The following NTRK3 variants were observed in gnomAD, a reference collection of about 807,000 sequenced individuals.
NTRK3 encodes neurotrophic receptor tyrosine kinase 3, also known as NT-3 growth factor receptor.
In NTRK3, 24 loss-of-function variants were observed where a neutral mutation model predicts 91.7. The ratio of observed to expected loss-of-function variants is 0.26; its 90% CI spans 0.19 to 0.37. The LOEUF (loss-of-function observed/expected upper bound fraction) is 0.37, where lower values mean the gene tolerates loss of function less well. Among genes scored for constraint, NTRK3 ranks in the 10% least tolerant of loss-of-function variants. The probability of loss-of-function intolerance (pLI) is 1.00; values close to 1 mark genes in which losing one functional copy is unlikely to be tolerated. For missense variants in NTRK3, 880 were observed against 1,068.9 expected (o/e 0.82, Z 2.46); for synonymous variants, 483 against 404.0 (o/e 1.20, Z -2.34).
intron 3 of NTRK3, among the ~76,000 whole-genome samples, chr15:88,247,338 G>C (rs1031874912): frequency 1.3e-5 from 2 of 152,208 alleles, no homozygotes; most frequent in Non-Finnish European, 2.9e-5. Context: ...CTTCGTTCTG[G>C]GCTGCCTTGT....
rs543779947 is a variant in NTRK3, at chr15:88,246,992, C to T, written c.248+8914G>A. Among the ~76,000 whole-genome samples the T allele has an allele frequency of 8.5e-5, 13 of 152,344 alleles. No individual in the cohort carries two copies. The South Asian group carries it at 2.7e-3, about 32-fold the overall frequency. ...AGGACCGTCTCGTGCGCCACACTGC[C>T]CTCTGGTGGCCACCAGGAGTGTAGC... is the stretch of plus-strand genomic sequence containing the variant. On this transcript the variant is annotated intron_variant, in intron 3 of 18. Transcript: ENST00000394480.
At chr15:88,048,205 T>C (rs866043246) in intron 13 of NTRK3, among the ~76,000 whole-genome samples, 13 of 152,306 alleles carry the variant, frequency 8.5e-5, no homozygotes, top group South Asian at 4.1e-4. Flanking sequence ...CTTGATCTAC[T>C]TGGAAAGCTT....
intron 13 of NTRK3, among the ~76,000 whole-genome samples, chr15:88,059,112 T>G (rs975732826): frequency 1.4e-4 from 21 of 151,614 alleles, no homozygotes; most frequent in African/African-American, 4.6e-4. Flanking sequence ...AGAGCTCTCC[T>G]GGAAAAGAGA....
intron 14 of NTRK3, among the ~76,000 whole-genome samples, chr15:88,019,402 A>G (rs543649629): frequency 2.0e-5 from 3 of 152,194 alleles, no homozygotes; most frequent in Non-Finnish European, 4.4e-5. Flanking sequence ...CTGTGATTCT[A>G]TGGAGACATA....
At chr15:88,179,537 T>C (rs1011064130) in intron 5 of NTRK3, among the ~76,000 whole-genome samples, 26 of 152,338 alleles carry the variant, frequency 1.7e-4, no homozygotes, top group African/African-American at 6.3e-4. Context: ...GGAAGTACCA[T>C]TGTTTGAGTG....
intron 17 of NTRK3, among the ~76,000 whole-genome samples, chr15:87,906,765 C>A (rs992793793): frequency 2.6e-5 from 4 of 152,208 alleles, no homozygotes; most frequent in Non-Finnish European, 5.9e-5. Flanking sequence ...ACACTAACTA[C>A]CACCACCAAC....
exon 19 of NTRK3, chr15:87,874,739 G>A (rs1469358749): frequency 1.3e-5 from 3 of 232,298 alleles, no homozygotes; most frequent in Non-Finnish European, 2.6e-5. Context: ...TAGCTACCCA[G>A]ATCAAAGCCA....
chr15:88,015,250 G>T (rs532060673), intron 14 of NTRK3, among the ~76,000 whole-genome samples: 3 of 152,238 alleles, frequency 2.0e-5, no homozygotes, highest in African/African-American at 7.2e-5. Context: ...ATAAACAAAG[G>T]CCTGGACTAT....
chr15:88,196,070 T>C (rs576427276), intron 3 of NTRK3, among the ~76,000 whole-genome samples: 21 of 152,226 alleles, frequency 1.4e-4, no homozygotes, highest in Non-Finnish European at 2.1e-4. Flanking sequence ...TCAAGTGCAT[T>C]GCATAAAGAC....
chr15:88,207,506 G>A (rs564883785), intron 3 of NTRK3, among the ~76,000 whole-genome samples: 1 of 152,250 alleles, frequency 6.6e-6, no homozygotes, highest in Admixed American at 6.5e-5. Flanking sequence ...TGTTGAAGCA[G>A]GTTATGTGCT....
At chr15:87,978,223 G>A (rs958909282) in intron 14 of NTRK3, 57 of 230,674 alleles carry the variant, frequency 2.5e-4, no homozygotes, top group African/African-American at 1.2e-3. Context: ...GGGGAAGCGA[G>A]CCCCCTCTTT....
At chr15:88,208,148 T>C (rs900069584) in intron 3 of NTRK3, among the ~76,000 whole-genome samples, 1 of 151,894 alleles carries the variant, frequency 6.6e-6, no homozygotes, top group Non-Finnish European at 1.5e-5. Flanking sequence ...ACAGGAGACA[T>C]CCCTTCCAAA....
At chr15:87,859,997 T>TAC (rs1010962942) in exon 19 of NTRK3, 1 of 196,038 alleles carries the variant, frequency 5.1e-6, no homozygotes, top group African/African-American at 2.3e-5. Flanking sequence ...TGTCCATACA[T>TAC]ACACACACAT....
intron 18 of NTRK3, among the ~76,000 whole-genome samples, 167 bp downstream of exon 19, chr15:87,880,103 C>T (rs544963554): frequency 6.6e-6 from 1 of 151,506 alleles, no homozygotes; most frequent in Non-Finnish European, 1.5e-5. Context: ...TCCTACAGTT[C>T]CATTTTTTTT....
At chr15:88,011,552 A>G (rs1192990015) in intron 14 of NTRK3, among the ~76,000 whole-genome samples, 2 of 152,132 alleles carry the variant, frequency 1.3e-5, no homozygotes, top group African/African-American at 4.8e-5. Context: ...CTTCTCCTTG[A>G]CTTTGGCAAT....
intron 3 of NTRK3, among the ~76,000 whole-genome samples, chr15:88,210,896 G>A (rs2141416581): frequency 6.6e-6 from 1 of 152,032 alleles, no homozygotes; most frequent in East Asian, 1.9e-4. Context: ...GAGCAGGGAG[G>A]GAAACACCCT....
Position 88,237,312 on chromosome 15 carries a change from G to A in NTRK3, c.248+18594C>T, listed in dbSNP as rs1300751529. Among the ~76,000 whole-genome samples the A allele has an allele frequency of 6.6e-6, 1 of 152,136 alleles. No homozygotes were observed. Among genetic ancestry groups the A allele is most frequent in the Non-Finnish European group, 1.5e-5 (1 of 68,016 alleles). On this transcript the variant is annotated intron_variant, in intron 3 of 18. Coordinates refer to ENST00000394480, the Ensembl canonical transcript of NTRK3. The surrounding 1 kb of genome is among the most constrained non-coding windows in gnomAD (Gnocchi z 4.0). ...AATGATGGGATGGGAGGGATCCTAT[G>A]TATTTACATGTCCCAAAGAAAACAA... is the stretch of plus-strand genomic sequence containing the variant.
chr15:88,128,502 A>T (rs980870285), intron 11 of NTRK3, among the ~76,000 whole-genome samples: 2 of 152,180 alleles, frequency 1.3e-5, no homozygotes, highest in African/African-American at 4.8e-5. Context: ...GGGGATAGTG[A>T]ACCACAGAGT....
At chr15:87,919,868 T>C (rs927666844) in intron 17 of NTRK3, among the ~76,000 whole-genome samples, 2 of 152,162 alleles carry the variant, frequency 1.3e-5, no homozygotes. Context: ...AGAGCTATGG[T>C]CTAGGGTCAA....
Sources: allele counts gnomAD v4.1 joint callset (sites outside exome capture counted in the v4.1 genomes callset), GRCh38; gene constraint gnomAD v4.1.1; non-coding constraint Gnocchi (gnomAD v3.1); transcripts MANE v1.5; gene names NCBI Gene and HGNC (gene_info 2026-07-23, HGNC 2026-07-21).